Variants in DGKD observed in about 807,000 individuals in gnomAD.
DGKD encodes diacylglycerol kinase delta.
DGKD carries 68 observed loss-of-function variants against 154.4 expected under a neutral mutation model. The observed-to-expected ratio is 0.44, with a 90% CI of 0.36 to 0.54. DGKD has a LOEUF of 0.54. DGKD is among the 20% of genes least tolerant of loss of function. The pLI is 0.00. For synonymous variants in DGKD, 693 were observed against 638.0 expected (o/e 1.09, Z -1.30); for missense variants, 1,343 against 1,593.6 (o/e 0.84, Z 2.68).
Position 233,409,839 on chromosome 2 carries a change from A to C in DGKD, c.348+19356A>C, listed in dbSNP as rs563351135. Among the ~76,000 whole-genome samples the C allele has an allele frequency of 3.3e-3, 309 of 92,442 alleles. 2 individuals are homozygous for C. Among genetic ancestry groups the C allele is most frequent in the Middle Eastern group, 0.021 (2 of 96 alleles). 60.6% of individuals were successfully genotyped at this position (92,442 alleles called of 152,430 possible). On this transcript the variant is annotated intron_variant, in intron 3 of 29. Coordinates refer to ENST00000264057, the MANE Select transcript of DGKD (RefSeq NM_152879.3). ...TTTAAGACAGGAGGAGGACTGTGGG[A>C]GTGGTTATCAGTAGATCTGTGCAGA... is the stretch of plus-strand genomic sequence containing the variant.
At chr2:233,443,970 C>A (rs1481650251) in intron 10 of DGKD, among the ~76,000 whole-genome samples, 1 of 152,140 alleles carries the variant, frequency 6.6e-6, no homozygotes, top group Non-Finnish European at 1.5e-5. Context: ...ATGGTGGCCT[C>A]TCCCTCCTTA....
intron 3 of DGKD, among the ~76,000 whole-genome samples, chr2:233,414,467 C>A (rs2061906967): frequency 6.6e-6 from 1 of 152,220 alleles, no homozygotes; most frequent in Non-Finnish European, 1.5e-5. Context: ...CTCTGCCAGA[C>A]CACAGGGTCA....
At chr2:233,431,009 G>T (rs1030757528) in intron 3 of DGKD, among the ~76,000 whole-genome samples, 2 of 152,144 alleles carry the variant, frequency 1.3e-5, no homozygotes, top group Admixed American at 1.3e-4. Context: ...GAAATAAAGG[G>T]TATCCAAATT....
At chr2:233,368,675 C>A (rs570950605) in intron 1 of DGKD, among the ~76,000 whole-genome samples, 3 of 152,222 alleles carry the variant, frequency 2.0e-5, no homozygotes, top group Admixed American at 6.5e-5. Flanking sequence ...TTCTCTCCCC[C>A]CAACCCTAAA....
At chr2:233,395,891 CT>C (rs1233420060) in intron 3 of DGKD, among the ~76,000 whole-genome samples, 1 of 152,014 alleles carries the variant, frequency 6.6e-6, no homozygotes, top group African/African-American at 2.4e-5. Flanking sequence ...TGGTGACATC[CT>C]TTTTTTGGTC....
At position 233,434,545 on chromosome 2, in the gene DGKD, G is replaced by C. The variant is rs2062628258; in HGVS notation, c.453+61G>C. The C allele has an allele frequency of 2.6e-6, 4 of 1,525,358 alleles. No individual in the cohort carries two copies. The South Asian group carries it at 3.4e-5, about 13-fold the overall frequency. The allele number at this position is 1,525,358 out of a possible 1,614,324, so 94.5% of individuals were successfully genotyped here. On this transcript the variant is annotated intron_variant, in intron 4 of 29. Coordinates refer to ENST00000264057, the MANE Select transcript of DGKD (RefSeq NM_152879.3). ...TGTTGCCTCCCTCACCCCAGTGTCT[G>C]CTGTCTGAGTGTCTCCCACGTGCGG...
intron 3 of DGKD, among the ~76,000 whole-genome samples, chr2:233,423,440 C>A (rs1389077128): frequency 1.3e-5 from 2 of 152,130 alleles, no homozygotes; most frequent in African/African-American, 4.8e-5. Context: ...CTGTTGTAGC[C>A]ATCGTGATAG....
intron 28 of DGKD, among the ~76,000 whole-genome samples, chr2:233,467,891 T>C (rs1174292565): frequency 2.0e-5 from 3 of 151,532 alleles, no homozygotes; most frequent in African/African-American, 7.2e-5. Context: ...GCTCTGACTA[T>C]GTGAATTGAA....
At chr2:233,406,821 T>C (rs2061697176) in intron 3 of DGKD, among the ~76,000 whole-genome samples, 1 of 152,280 alleles carries the variant, frequency 6.6e-6, no homozygotes, top group African/African-American at 2.4e-5. Context: ...CCGGTTGATC[T>C]TTAGTTATGT....
At chr2:233,467,426 T>A (rs1448428938) in intron 28 of DGKD, among the ~76,000 whole-genome samples, 1 of 152,156 alleles carries the variant, frequency 6.6e-6, no homozygotes, top group East Asian at 1.9e-4. Flanking sequence ...ACGTGCTCTC[T>A]GGCTTTCTGC....
chr2:233,468,679 C>T, intron 29 of DGKD, 126 bp downstream of exon 29: 1 of 1,452,300 alleles, frequency 6.9e-7, no homozygotes, highest in Non-Finnish European at 9.3e-7. Context: ...TCGTGTATAC[C>T]TCAGGTGGGG....
rs2063515188 is a variant in DGKD at position 233,458,056 on chromosome 2, G to A, written c.2581-228G>A. 6.6e-6 allele frequency among the ~76,000 whole-genome samples: 1 copy of A among 152,164 alleles called. No homozygotes were observed. The highest frequency in any genetic ancestry group is 2.4e-5 in the African/African-American group (1 of 41,428). ...TTAGTTTCCCCATTTTACGCATGAG[G>A]AAATGGGGGAGAGAGAGATTCAGTA... On this transcript the variant is annotated intron_variant, in intron 21 of 29. Transcript: ENST00000264057. This position sits in a 1 kb window ranked among gnomAD's most constrained non-coding sequence, Gnocchi z 6.6.
At chr2:233,355,868 T>C (rs537446826) in intron 1 of DGKD, among the ~76,000 whole-genome samples, 7 of 152,360 alleles carry the variant, frequency 4.6e-5, no homozygotes, top group African/African-American at 1.7e-4. Context: ...CCCAATAAGT[T>C]GGATGCTATC....
At chr2:233,385,396 C>T (rs2125429164) in intron 1 of DGKD, among the ~76,000 whole-genome samples, 1 of 152,238 alleles carries the variant, frequency 6.6e-6, no homozygotes, top group South Asian at 2.1e-4. Flanking sequence ...GGCGCGTGTT[C>T]ACTTTCCACC....
At chr2:233,429,116 G>C in intron 3 of DGKD, 1 of 985,302 alleles carries the variant, frequency 1.0e-6, no homozygotes, top group Non-Finnish European at 1.2e-6. Context: ...TCAGTGTGTG[G>C]GTCAGGTGGG....
intron 3 of DGKD, among the ~76,000 whole-genome samples, chr2:233,414,801 T>A (rs1000215696): frequency 6.6e-6 from 1 of 152,222 alleles, no homozygotes; most frequent in Admixed American, 6.5e-5. Context: ...TGACTGCCCT[T>A]CCATCCTGCA....
At chr2:233,404,522 C>G (rs1255391852) in intron 3 of DGKD, among the ~76,000 whole-genome samples, 3 of 152,152 alleles carry the variant, frequency 2.0e-5, no homozygotes, top group Non-Finnish European at 4.4e-5. Flanking sequence ...AAAACTTCCT[C>G]CTGCTTTGGG....
intron 3 of DGKD, among the ~76,000 whole-genome samples, chr2:233,399,860 G>C (rs918128679): frequency 2.6e-5 from 4 of 152,152 alleles, no homozygotes; most frequent in Middle Eastern, 3.2e-3. Flanking sequence ...GAGAGATGGG[G>C]CCTGAGGAGA....
intron 26 of DGKD, 57 bp from the exon 27 acceptor site, chr2:233,464,107 G>T: frequency 6.2e-7 from 1 of 1,609,252 alleles, no homozygotes; most frequent in Non-Finnish European, 8.5e-7. Context: ...CCTGGGCCTC[G>T]CGCTGATCAG....
Sources: gnomAD v4.1 joint callset for allele counts (sites outside exome capture counted in the v4.1 genomes callset) on GRCh38, gnomAD v4.1.1 for gene constraint, Gnocchi (gnomAD v3.1) non-coding constraint, MANE v1.5 for transcripts, NCBI Gene and HGNC (gene_info 2026-07-23, HGNC 2026-07-21) for gene names.